Variants in BBX observed in about 807,000 individuals in gnomAD.
BBX encodes the protein BBX high mobility group box domain containing.
A neutral mutation model predicts 100.2 loss-of-function variants in BBX; 30 were observed. The ratio of observed to expected loss-of-function variants is 0.30; its 90% CI spans 0.22 to 0.41. The LOEUF (loss-of-function observed/expected upper bound fraction) is 0.41. Among genes scored for constraint, BBX ranks in the 10% least tolerant of loss-of-function variants. BBX has a pLI of 1.00. For synonymous variants in BBX, 376 were observed against 388.1 expected (o/e 0.97, Z 0.37); for missense variants, 1,023 against 1,129.8 (o/e 0.91, Z 1.35).
At chr3:107,604,534 A>C (rs2107632502) in intron 2 of BBX, among the ~76,000 whole-genome samples, 1 of 152,194 alleles carries the variant, frequency 6.6e-6, no homozygotes, top group African/African-American at 2.4e-5. Flanking sequence ...CCAGCAGAGG[A>C]TGCAGAGAAT....
chr3:107,538,707 A>G (rs531814861), intron 2 of BBX, among the ~76,000 whole-genome samples: 1 of 152,274 alleles, frequency 6.6e-6, no homozygotes, highest in East Asian at 1.9e-4. Flanking sequence ...ATATTAACTA[A>G]TCAATGGTCT....
intron 2 of BBX, among the ~76,000 whole-genome samples, chr3:107,615,090 T>C (rs1189297175): frequency 2.0e-5 from 3 of 152,104 alleles, no homozygotes; most frequent in African/African-American, 4.8e-5. Flanking sequence ...AGGAATGCTT[T>C]TGAGGAGGGG....
At chr3:107,606,665 G>T (rs2054468605) in intron 2 of BBX, among the ~76,000 whole-genome samples, 1 of 151,684 alleles carries the variant, frequency 6.6e-6, no homozygotes, top group South Asian at 2.1e-4. Context: ...TTGAATTTTT[G>T]TGGGTACCTT....
At chr3:107,710,349 G>A in intron 3 of BBX, 103 bp from the exon 4 acceptor site, 1 of 882,580 alleles carries the variant, frequency 1.1e-6, no homozygotes, top group Non-Finnish European at 1.7e-6. Flanking sequence ...TAATCCTAAA[G>A]GGAGCTAAAT....
intron 2 of BBX, among the ~76,000 whole-genome samples, chr3:107,580,530 A>G (rs1285563298): frequency 6.6e-6 from 1 of 152,210 alleles, no homozygotes; most frequent in African/African-American, 2.4e-5. Flanking sequence ...AGTAAATTTT[A>G]GTTTAATCTT....
intron 2 of BBX, among the ~76,000 whole-genome samples, chr3:107,612,478 G>A (rs1247191522): frequency 6.6e-6 from 1 of 152,222 alleles, no homozygotes; most frequent in African/African-American, 2.4e-5. Context: ...TAGCAATGCT[G>A]TGGTTCTTGC....
intron 10 of BBX, among the ~76,000 whole-genome samples, chr3:107,764,138 G>A (rs35123015): frequency 0.012 from 1,812 of 152,228 alleles, 21 homozygotes; most frequent in South Asian, 0.027. Context: ...GATTACAGGC[G>A]CCCGCCACCA....
chr3:107,682,604 ACT>A (rs1454019314), intron 3 of BBX, among the ~76,000 whole-genome samples: 16 of 152,266 alleles, frequency 1.1e-4, no homozygotes, highest in African/African-American at 3.8e-4. Context: ...AGCTAGGATG[ACT>A]CTGGTATAAA....
At chr3:107,618,728 C>A (rs1219766102) in intron 2 of BBX, among the ~76,000 whole-genome samples, 1 of 151,888 alleles carries the variant, frequency 6.6e-6, no homozygotes, top group Non-Finnish European at 1.5e-5. Flanking sequence ...TTAATAATTT[C>A]TAATTTTATG....
At chr3:107,701,242 G>A (rs184016924) in intron 3 of BBX, among the ~76,000 whole-genome samples, 14 of 152,240 alleles carry the variant, frequency 9.2e-5, no homozygotes, top group African/African-American at 2.6e-4. Flanking sequence ...AGGATTGCAG[G>A]GGAAGGGCAG....
intron 5 of BBX, 76 bp from the exon 6 acceptor site, chr3:107,728,689 G>A (rs986828642): frequency 7.6e-7 from 1 of 1,316,544 alleles, no homozygotes; most frequent in Non-Finnish European, 1.1e-6. Context: ...CTAAATAGGG[G>A]AATGGGGTGA....
intron 2 of BBX, among the ~76,000 whole-genome samples, chr3:107,594,937 G>A (rs1465622960): frequency 6.6e-6 from 1 of 152,174 alleles, no homozygotes; most frequent in East Asian, 1.9e-4. Context: ...TTTGCTCACA[G>A]TTATTATGTT....
intron 6 of BBX, among the ~76,000 whole-genome samples, chr3:107,732,188 G>A (rs1488403733): frequency 6.6e-6 from 1 of 152,100 alleles, no homozygotes; most frequent in Non-Finnish European, 1.5e-5. Context: ...AAAGTGCTGG[G>A]ATTACAGGCA....
intron 2 of BBX, among the ~76,000 whole-genome samples, chr3:107,588,839 TA>T (rs1248637418): frequency 1.3e-5 from 2 of 152,186 alleles, no homozygotes; most frequent in Non-Finnish European, 2.9e-5. Flanking sequence ...AGACTGGGAA[TA>T]AAAAATATCA....
intron 3 of BBX, among the ~76,000 whole-genome samples, chr3:107,668,988 A>C (rs1244573825): frequency 1.3e-5 from 2 of 152,060 alleles, no homozygotes; most frequent in African/African-American, 4.8e-5. Flanking sequence ...TCCCCCTCCC[A>C]CATTCAGAGG....
At chr3:107,699,245 C>G (rs184765453) in intron 3 of BBX, among the ~76,000 whole-genome samples, 1 of 151,910 alleles carries the variant, frequency 6.6e-6, no homozygotes, top group East Asian at 1.9e-4. Flanking sequence ...CAAGCTAAGC[C>G]CCGAAGCAGG....
At chr3:107,644,760 C>T (rs1459893083) in intron 2 of BBX, among the ~76,000 whole-genome samples, 2 of 152,054 alleles carry the variant, frequency 1.3e-5, no homozygotes, top group African/African-American at 4.8e-5. Context: ...AGTATCTTGC[C>T]TGAAGCCACA....
chr3:107,709,333 T>C (rs568039409), intron 3 of BBX, among the ~76,000 whole-genome samples: 1 of 152,346 alleles, frequency 6.6e-6, no homozygotes, highest in African/African-American at 2.4e-5. Flanking sequence ...CCATATTCTC[T>C]GAACGGCTTG....
At chr3:107,622,253 T>C (rs2055832147) in intron 2 of BBX, among the ~76,000 whole-genome samples, 1 of 152,222 alleles carries the variant, frequency 6.6e-6, no homozygotes, top group Non-Finnish European at 1.5e-5. Flanking sequence ...TCATCCACAT[T>C]GTTGCTTTAT....
Sources: allele counts gnomAD v4.1 joint callset (sites outside exome capture counted in the v4.1 genomes callset), GRCh38; gene constraint gnomAD v4.1.1; transcripts MANE v1.5; gene names NCBI Gene and HGNC (gene_info 2026-07-23, HGNC 2026-07-21).